CTNND2: variants seen among roughly 807,000 people sequenced by gnomAD.
The protein encoded by CTNND2 is catenin delta-2.
CTNND2 carries 22 observed loss-of-function variants against 144.4 expected under a neutral mutation model. The ratio of observed to expected loss-of-function variants is 0.15; its 90% CI spans 0.11 to 0.22. CTNND2 has a LOEUF of 0.22. CTNND2 is among the 10% of genes least tolerant of loss of function. CTNND2 has a pLI of 1.00. For missense variants in CTNND2, 1,353 were observed against 1,618.8 expected (o/e 0.84, Z 2.82); for synonymous variants, 751 against 695.6 (o/e 1.08, Z -1.25).
At chr5:11,442,409 C>T (rs1264425572) in intron 3 of CTNND2, among the ~76,000 whole-genome samples, 1 of 152,122 alleles carries the variant, frequency 6.6e-6, no homozygotes, top group Non-Finnish European at 1.5e-5. Flanking sequence ...TATGAAAATA[C>T]AACTAACACT....
intron 1 of CTNND2, among the ~76,000 whole-genome samples, chr5:11,790,084 C>A (rs1033514901): frequency 6.6e-6 from 1 of 152,086 alleles, no homozygotes; most frequent in African/African-American, 2.4e-5. Flanking sequence ...TTTTATGCTT[C>A]GAGGATTGAA....
chr5:11,338,804 G>C (rs114049690), intron 9 of CTNND2, among the ~76,000 whole-genome samples: 162 of 152,312 alleles, frequency 1.1e-3, no homozygotes, highest in African/African-American at 3.8e-3. Flanking sequence ...CTTTTAAACT[G>C]ATAAAAGAAC....
chr5:11,337,644 A>G (rs1018930988), intron 9 of CTNND2, among the ~76,000 whole-genome samples: 1 of 152,252 alleles, frequency 6.6e-6, no homozygotes, highest in African/African-American at 2.4e-5. Context: ...ATTACTGATA[A>G]AGCTATAAAC....
intron 2 of CTNND2, among the ~76,000 whole-genome samples, chr5:11,704,578 G>T (rs577323526): frequency 6.6e-6 from 1 of 152,202 alleles, no homozygotes; most frequent in East Asian, 2.0e-4. Context: ...ATTAGTTGAG[G>T]CCACTTAGGT....
At chr5:11,413,882 C>A (rs1476406863) in intron 3 of CTNND2, among the ~76,000 whole-genome samples, 1 of 152,132 alleles carries the variant, frequency 6.6e-6, no homozygotes, top group Non-Finnish European at 1.5e-5. Context: ...GAAAACACTT[C>A]CATATTGATA....
chr5:11,342,967 A>T (rs1754421775), intron 9 of CTNND2, among the ~76,000 whole-genome samples: 1 of 152,224 alleles, frequency 6.6e-6, no homozygotes. Flanking sequence ...TACAATTACA[A>T]ATAAAATCTT....
At chr5:11,423,223 T>A (rs1229866137) in intron 3 of CTNND2, among the ~76,000 whole-genome samples, 1 of 152,214 alleles carries the variant, frequency 6.6e-6, no homozygotes, top group Non-Finnish European at 1.5e-5. Flanking sequence ...TTTGTGTGCT[T>A]GGTGTATACT....
At chr5:11,419,008 A>C (rs774243441) in intron 3 of CTNND2, among the ~76,000 whole-genome samples, 4 of 148,314 alleles carry the variant, frequency 2.7e-5, no homozygotes, top group South Asian at 2.1e-4. Context: ...ATATATATAT[A>C]TCTATATAGA....
At chr5:11,166,116 G>A (rs1422294833) in intron 11 of CTNND2, among the ~76,000 whole-genome samples, 4 of 152,018 alleles carry the variant, frequency 2.6e-5, no homozygotes, top group Admixed American at 2.6e-4. Context: ...CAATTAATTA[G>A]TGAATTAAGG....
chr5:11,109,780 T>C (rs757956925), intron 14 of CTNND2, among the ~76,000 whole-genome samples: 5 of 152,192 alleles, frequency 3.3e-5, no homozygotes, highest in South Asian at 2.1e-4. Context: ...TGTAGAAGAT[T>C]TATAAATACA....
chr5:11,583,102 A>G (rs1482974718), intron 2 of CTNND2, among the ~76,000 whole-genome samples: 2 of 152,238 alleles, frequency 1.3e-5, no homozygotes, highest in African/African-American at 4.8e-5. Flanking sequence ...TAAAATTGAC[A>G]GGGATAGACT....
intron 2 of CTNND2, among the ~76,000 whole-genome samples, chr5:11,674,716 T>TTTGTTTGGTTGG (rs368963579): frequency 0.034 from 5,061 of 150,954 alleles, 119 homozygotes; most frequent in Non-Finnish European, 0.042. Context: ...TGTTTGTTTG[T>TTTGTTTGGTTGG]TTGGTTGGTT....
rs1048084640 is a variant in CTNND2, at chr5:11,857,466, C to G, written c.37+46351G>C. Among the ~76,000 whole-genome samples, 4 of 152,108 alleles carry G rather than the reference C, an allele frequency of 2.6e-5. No homozygotes were observed. The East Asian group carries it at 7.7e-4, about 29-fold the overall frequency. Reference sequence around the variant, plus strand: ...GATGAGCTCCCTCCTGCACGAGAGCCGGACAGGGTGCGAGCAAGAGGACAA... The same window carrying G: ...GATGAGCTCCCTCCTGCACGAGAGCGGGACAGGGTGCGAGCAAGAGGACAA... On this transcript the variant is annotated intron_variant, in intron 1 of 21. Transcript: ENST00000304623.
intron 2 of CTNND2, among the ~76,000 whole-genome samples, chr5:11,731,795 T>C (rs1787404616): frequency 6.6e-6 from 1 of 152,192 alleles, no homozygotes; most frequent in Admixed American, 6.5e-5. Flanking sequence ...TAATTTTTCA[T>C]TAGATTTTAT....
At chr5:11,010,581 T>C (rs1302492909) in intron 18 of CTNND2, among the ~76,000 whole-genome samples, 1 of 152,052 alleles carries the variant, frequency 6.6e-6, no homozygotes, top group Non-Finnish European at 1.5e-5. Context: ...CTATGTAGAG[T>C]GGTCAGTCTC....
intron 3 of CTNND2, among the ~76,000 whole-genome samples, chr5:11,449,353 A>C (rs1765107386): frequency 6.6e-6 from 1 of 152,214 alleles, no homozygotes; most frequent in South Asian, 2.1e-4. Context: ...GGTAGAATTC[A>C]ACATCGTTAG....
At chr5:11,040,537 G>C (rs1744594243) in intron 16 of CTNND2, among the ~76,000 whole-genome samples, 1 of 152,206 alleles carries the variant, frequency 6.6e-6, no homozygotes, top group Non-Finnish European at 1.5e-5. Flanking sequence ...CACTGAATTA[G>C]ATTCTGAGAA....
chr5:11,796,432 A>G (rs1362051004), intron 1 of CTNND2, among the ~76,000 whole-genome samples: 1 of 152,206 alleles, frequency 6.6e-6, no homozygotes, highest in Non-Finnish European at 1.5e-5. Flanking sequence ...CTTCCCATAG[A>G]GCCTTATCTG....
intron 3 of CTNND2, among the ~76,000 whole-genome samples, chr5:11,419,043 G>GATAT: frequency 1.6e-5 from 2 of 127,726 alleles, no homozygotes. Flanking sequence ...TAGATATATA[G>GATAT]ATAGACATCT....
Sources: allele counts gnomAD v4.1 joint callset (sites outside exome capture counted in the v4.1 genomes callset), GRCh38; gene constraint gnomAD v4.1.1; transcripts MANE v1.5; gene names NCBI Gene and HGNC (gene_info 2026-07-23, HGNC 2026-07-21).